The following CFAP299 variants were observed in gnomAD, a reference collection of about 807,000 sequenced individuals.
CFAP299 encodes cilia- and flagella-associated protein 299.
CFAP299 carries 21 observed loss-of-function variants against 27.0 expected under a neutral mutation model. That is an observed-to-expected ratio of 0.78 (90% CI 0.55 to 1.12). The LOEUF is 1.12. Among genes scored for constraint, CFAP299 ranks in the 50% most tolerant of loss-of-function variants. The pLI, the probability that CFAP299 is intolerant of heterozygous loss-of-function variation, is 0.00. For missense variants in CFAP299, 310 were observed against 276.6 expected (o/e 1.12, Z -0.86); for synonymous variants, 104 against 98.1 (o/e 1.06, Z -0.36).
intron 1 of CFAP299, among the ~76,000 whole-genome samples, chr4:80,338,010 C>T (rs1167433252): frequency 1.3e-5 from 2 of 152,084 alleles, no homozygotes; most frequent in Admixed American, 6.6e-5. Flanking sequence ...AACAAGTAGA[C>T]TCCTCAGCAT....
chr4:80,948,654 A>T (rs1342437705), intron 5 of CFAP299, among the ~76,000 whole-genome samples: 1 of 152,038 alleles, frequency 6.6e-6, no homozygotes, highest in African/African-American at 2.4e-5. Context: ...AAAGAGAGAG[A>T]GAGAGATTGT....
At chr4:80,937,298 CTTTTTT>C (rs1203322592) in intron 4 of CFAP299, among the ~76,000 whole-genome samples, 12 of 94,360 alleles carry the variant, frequency 1.3e-4, no homozygotes, top group Non-Finnish European at 2.3e-4. Context: ...TTTCTTTTTT[CTTTTTT>C]TTTCTTTCTT....
At chr4:80,346,857 C>G (rs577755425) in intron 1 of CFAP299, among the ~76,000 whole-genome samples, 10 of 152,102 alleles carry the variant, frequency 6.6e-5, no homozygotes. Context: ...TATAAATTAC[C>G]TTGGGCAGTA....
chr4:80,810,536 C>T (rs1031750083), intron 3 of CFAP299, among the ~76,000 whole-genome samples: 1 of 151,988 alleles, frequency 6.6e-6, no homozygotes, highest in South Asian at 2.1e-4. Context: ...TGCAGAGAGA[C>T]ACAGAGAAGA....
chr4:80,798,928 G>C (rs1040362364), intron 3 of CFAP299, among the ~76,000 whole-genome samples: 8 of 151,156 alleles, frequency 5.3e-5, no homozygotes, highest in Non-Finnish European at 1.0e-4. Context: ...ATTGGAAGTA[G>C]AGTTCTTAGC....
intron 5 of CFAP299, among the ~76,000 whole-genome samples, chr4:80,961,049 TG>T (rs983430709): frequency 3.3e-4 from 50 of 151,870 alleles, no homozygotes; most frequent in African/African-American, 1.2e-3. Flanking sequence ...TCTAAGGTTA[TG>T]TGTTGCCTAA....
chr4:80,533,179 T>G (rs1318601334), intron 2 of CFAP299, among the ~76,000 whole-genome samples: 3 of 152,206 alleles, frequency 2.0e-5, no homozygotes, highest in Non-Finnish European at 4.4e-5. Flanking sequence ...AAGAACTCGT[T>G]AGAAATATTA....
At chr4:80,727,110 A>C (rs1168585140) in intron 3 of CFAP299, among the ~76,000 whole-genome samples, 1 of 152,098 alleles carries the variant, frequency 6.6e-6, no homozygotes, top group Non-Finnish European at 1.5e-5. Flanking sequence ...TAAATGTTTT[A>C]GGAAAAATAT....
chr4:80,794,952 G>T (rs1212677869), intron 3 of CFAP299, among the ~76,000 whole-genome samples: 1 of 152,118 alleles, frequency 6.6e-6, no homozygotes, highest in Non-Finnish European at 1.5e-5. Flanking sequence ...GGTCAACCTT[G>T]GTGAGTGGAA....
chr4:80,448,244 G>A (rs1330066452), intron 2 of CFAP299, among the ~76,000 whole-genome samples: 1 of 152,186 alleles, frequency 6.6e-6, no homozygotes, highest in Non-Finnish European at 1.5e-5. Flanking sequence ...TGTTGAAAAT[G>A]TCAGAAAATC....
intron 3 of CFAP299, among the ~76,000 whole-genome samples, chr4:80,807,403 C>T (rs1407638406): frequency 6.6e-6 from 1 of 152,070 alleles, no homozygotes; most frequent in Non-Finnish European, 1.5e-5. Flanking sequence ...AAGGAATTAA[C>T]AGATATTTCA....
chr4:80,440,851 A>G (rs186782836), intron 2 of CFAP299, among the ~76,000 whole-genome samples: 3 of 152,376 alleles, frequency 2.0e-5, no homozygotes, highest in Admixed American at 2.0e-4. Context: ...TAACCAATTT[A>G]GAGAAGAACA....
At chr4:80,752,429 A>T (rs561796066) in intron 3 of CFAP299, among the ~76,000 whole-genome samples, 104 of 145,760 alleles carry the variant, frequency 7.1e-4, no homozygotes, top group Non-Finnish European at 1.2e-3. Flanking sequence ...CATATATATA[A>T]ATAAATATAT....
rs1389850013 is a variant in CFAP299 at position 80,362,832 on chromosome 4, G to A, written c.190G>A (p.Ala64Thr). 1 of 1,613,246 alleles carries A rather than the reference G, an allele frequency of 6.2e-7. No individual in the cohort carries two copies. Among genetic ancestry groups the A allele is most frequent in the South Asian group, 1.1e-5 (1 of 90,934 alleles). The change falls in exon 2 of 6, where the codon GCA (alanine) becomes ACA (threonine). Residue 64 changes from alanine (A) to threonine (T), a missense_variant. Coordinates refer to ENST00000358105, the MANE Select transcript of CFAP299 (RefSeq NM_152770.3). ...GERVKREDFE[A>T]RKAAIEIARL... is the part of the protein sequence containing the mutation. ...GAGAGTGAAAAGGGAAGATTTTGAA[G>A]CAAGGAAAGCGGCTATAGAGATTGC...
intron 3 of CFAP299, among the ~76,000 whole-genome samples, chr4:80,742,193 G>A: frequency 6.6e-6 from 1 of 152,100 alleles, no homozygotes; most frequent in East Asian, 1.9e-4. Context: ...TCTAGTGATG[G>A]TGCTTTTCTG....
intron 2 of CFAP299, among the ~76,000 whole-genome samples, chr4:80,406,415 G>T (rs1726421776): frequency 1.3e-5 from 2 of 152,086 alleles, no homozygotes; most frequent in Admixed American, 1.3e-4. Flanking sequence ...ACCCAGGCTA[G>T]AGCACAGTGA....
intron 3 of CFAP299, among the ~76,000 whole-genome samples, chr4:80,867,465 C>A (rs901785287): frequency 6.6e-6 from 1 of 152,102 alleles, no homozygotes; most frequent in African/African-American, 2.4e-5. Context: ...TTATTATAAT[C>A]TGTGTGAGTT....
chr4:80,322,716 T>C, the CFAP299 span, among the ~76,000 whole-genome samples: 4 of 152,192 alleles, frequency 2.6e-5, no homozygotes, highest in South Asian at 2.1e-4. Context: ...GCTGAAAGTA[T>C]TCAGATTCAA....
intron 2 of CFAP299, among the ~76,000 whole-genome samples, chr4:80,516,166 G>T (rs147283252): frequency 0.049 from 7,381 of 151,724 alleles, 404 homozygotes; most frequent in East Asian, 0.25. Flanking sequence ...GATTACAGGT[G>T]CCTGCTATCA....
Sources: gnomAD v4.1 joint callset for allele counts (sites outside exome capture counted in the v4.1 genomes callset) on GRCh38, gnomAD v4.1.1 for gene constraint, MANE v1.5 for transcripts, NCBI Gene and HGNC (gene_info 2026-07-23, HGNC 2026-07-21) for gene names.